Variants in GALNT8 observed in about 807,000 individuals in gnomAD.
GALNT8 encodes polypeptide N-acetylgalactosaminyltransferase 8, also known as probable polypeptide N-acetylgalactosaminyltransferase 8.
In GALNT8, 66 loss-of-function variants were observed where a neutral mutation model predicts 62.7. The observed-to-expected ratio is 1.05, with a 90% confidence interval of 0.86 to 1.29. GALNT8 has a LOEUF of 1.29. GALNT8 is among the 50% of genes most tolerant of loss of function. The probability of loss-of-function intolerance (pLI) is 0.00; values close to 1 mark genes in which losing one functional copy is unlikely to be tolerated. For missense variants in GALNT8, 771 were observed against 791.8 expected, an observed-to-expected ratio of 0.97 and a Z score of 0.32; for synonymous variants, 288 against 294.3, an observed-to-expected ratio of 0.98 and a Z score of 0.22.
chr12:4,760,542 G>A (rs1311724870), intron 6 of GALNT8, among the ~76,000 whole-genome samples: 4 of 152,322 alleles, frequency 2.6e-5, no homozygotes, highest in African/African-American at 9.6e-5. Context: ...GAGGGATCAT[G>A]GGGTCACTTT....
At chr12:4,752,091 A>T (rs1021595728) in intron 6 of GALNT8, among the ~76,000 whole-genome samples, 1 of 152,062 alleles carries the variant, frequency 6.6e-6, no homozygotes, top group Non-Finnish European at 1.5e-5. Flanking sequence ...TTTGGTTTCC[A>T]TTGGTATGGA....
At chr12:4,731,030 A>G (rs1298393093) in intron 2 of GALNT8, among the ~76,000 whole-genome samples, 4 of 151,862 alleles carry the variant, frequency 2.6e-5, no homozygotes, top group African/African-American at 9.7e-5. Context: ...TTGTATTTTT[A>G]GTAGAGACGG....
chr12:4,720,963 G>A (rs975775285), intron 1 of GALNT8, 75 bp downstream of exon 1: 3 of 896,746 alleles, frequency 3.3e-6, no homozygotes, highest in Admixed American at 1.9e-5. Context: ...AAAGGGATAT[G>A]GAAGGAAAAA....
chr12:4,743,095 T>A (rs1946279288), intron 3 of GALNT8, among the ~76,000 whole-genome samples: 1 of 152,226 alleles, frequency 6.6e-6, no homozygotes, highest in African/African-American at 2.4e-5. Flanking sequence ...TAAGCACTGA[T>A]CTGCCTCAGG....
intron 9 of GALNT8, 66 bp from the exon 10 acceptor site, chr12:4,765,313 G>A: frequency 7.1e-7 from 1 of 1,409,336 alleles, no homozygotes. Context: ...TCGGGCTAGG[G>A]TCTCCTGCTG....
chr12:4,745,683 T>G, intron 5 of GALNT8, 57 bp downstream of exon 5: 1 of 1,305,686 alleles, frequency 7.7e-7, no homozygotes, highest in Non-Finnish European at 1.1e-6. Context: ...AGGAATGAAC[T>G]GAATGGATTT....
chr12:4,743,153 G>T (rs1946279613), intron 3 of GALNT8, among the ~76,000 whole-genome samples: 2 of 152,198 alleles, frequency 1.3e-5, no homozygotes, highest in South Asian at 2.1e-4. Context: ...GCCCACTATG[G>T]TACTTTTCTC....
rs1946195862 is a variant in GALNT8 at position 4,726,463 on chromosome 12, A to G, written c.212-69A>G. The G allele has an allele frequency of 9.5e-7, 1 of 1,055,230 alleles. No homozygotes were observed. Among genetic ancestry groups the G allele is most frequent in the South Asian group, 1.5e-5 (1 of 64,692 alleles). 65.4% of individuals were successfully genotyped at this position (1,055,230 alleles called of 1,614,324 possible). A position where few individuals can be genotyped will look rare whatever the true frequency, so the allele number is the denominator to read the frequency against. On this transcript the variant is annotated intron_variant, in intron 1 of 10. Coordinates refer to ENST00000252318, the MANE Select transcript of GALNT8 (RefSeq NM_017417.2). The surrounding 1 kb of genome is among the most constrained non-coding windows in gnomAD (Gnocchi z 4.1). ...ACCGTTAGAGGAAATTAGGATGGAAAGGAATACCCAGGTAACTAAGGAGGG... is the reference window on the plus strand; with the variant it reads ...ACCGTTAGAGGAAATTAGGATGGAAGGGAATACCCAGGTAACTAAGGAGGG...
At chr12:4,769,326 A>G (rs1946413037) in intron 10 of GALNT8, among the ~76,000 whole-genome samples, 1 of 152,216 alleles carries the variant, frequency 6.6e-6, no homozygotes, top group South Asian at 2.1e-4. Flanking sequence ...CAACTTGCCC[A>G]CGTGTAGGAA....
chr12:4,731,648 G>C (rs138185990), intron 2 of GALNT8, among the ~76,000 whole-genome samples: 1 of 151,994 alleles, frequency 6.6e-6, no homozygotes, highest in African/African-American at 2.4e-5. Context: ...TGTATTGAAG[G>C]TACAATTCTT....
chr12:4,756,400 T>C (rs941973579), intron 6 of GALNT8, among the ~76,000 whole-genome samples: 4 of 152,352 alleles, frequency 2.6e-5, no homozygotes, highest in African/African-American at 9.6e-5. Context: ...CCATACCTGC[T>C]GCATTAAGCA....
Position 4,723,203 on chromosome 12 carries a change from G to C in GALNT8, c.211+2315G>C, listed in dbSNP as rs3782738. ...CGAAATTCCATAGATGAATAAATGAGTGGGTGTGTCTAGGAAAGAGAGAGA... is the reference window on the plus strand; with the variant it reads ...CGAAATTCCATAGATGAATAAATGACTGGGTGTGTCTAGGAAAGAGAGAGA... On this transcript the variant is annotated intron_variant, in intron 1 of 10. Coordinates refer to ENST00000252318, the MANE Select transcript of GALNT8 (RefSeq NM_017417.2). Among the ~76,000 whole-genome samples, 86 of 152,306 alleles carry C rather than the reference G, an allele frequency of 5.6e-4. 1 individual carries two copies. In the East Asian group the frequency reaches 0.015, roughly 26 times the overall value.
At chr12:4,758,967 G>C (rs1591573059) in intron 6 of GALNT8, among the ~76,000 whole-genome samples, 1 of 151,852 alleles carries the variant, frequency 6.6e-6, no homozygotes, top group South Asian at 2.1e-4. Context: ...GTAGAGACAG[G>C]GTTTCACCAT....
At chr12:4,722,439 C>T (rs1946175258) in intron 1 of GALNT8, among the ~76,000 whole-genome samples, 1 of 152,164 alleles carries the variant, frequency 6.6e-6, no homozygotes, top group Non-Finnish European at 1.5e-5. Flanking sequence ...ATCAACCTGA[C>T]CTAATAGGGT....
At chr12:4,725,553 C>CTT (rs747460695) in intron 1 of GALNT8, among the ~76,000 whole-genome samples, 2,305 of 119,626 alleles carry the variant, frequency 0.019, 104 homozygotes, top group African/African-American at 0.05. Flanking sequence ...TGAAGACATT[C>CTT]TTTTTTTTTT....
chr12:4,744,138 A>G (rs1427059522), intron 3 of GALNT8, among the ~76,000 whole-genome samples: 1 of 152,238 alleles, frequency 6.6e-6, no homozygotes, highest in Non-Finnish European at 1.5e-5. Context: ...GAGTTTAGCT[A>G]TGAAGATGTT....
intron 8 of GALNT8, 46 bp from the exon 9 acceptor site, chr12:4,763,906 T>C (rs1946385383): frequency 1.0e-6 from 1 of 992,740 alleles, no homozygotes. Context: ...GGCGCCTCAT[T>C]CTCTGTCCTT....
At chr12:4,724,415 G>A (rs187078929) in intron 1 of GALNT8, among the ~76,000 whole-genome samples, 11 of 152,180 alleles carry the variant, frequency 7.2e-5, no homozygotes, top group South Asian at 4.1e-4. Context: ...TCATACTACC[G>A]GATTGTGCAT....
intron 10 of GALNT8, among the ~76,000 whole-genome samples, chr12:4,767,435 G>T (rs534399055): frequency 1.3e-5 from 2 of 152,340 alleles, no homozygotes; most frequent in East Asian, 1.9e-4. Context: ...AGCTTGAAAG[G>T]CTTGTTAGGC....
Sources: allele counts gnomAD v4.1 joint callset (sites outside exome capture counted in the v4.1 genomes callset), GRCh38; gene constraint gnomAD v4.1.1; non-coding constraint Gnocchi (gnomAD v3.1); transcripts MANE v1.5; gene names NCBI Gene and HGNC (gene_info 2026-07-23, HGNC 2026-07-21).